The following RPAP2 variants were observed in gnomAD, a reference collection of about 807,000 sequenced individuals.
RPAP2 encodes putative RNA polymerase II subunit B1 CTD phosphatase RPAP2.
In RPAP2, 52 loss-of-function variants were observed where a neutral mutation model predicts 73.1. The ratio of observed to expected loss-of-function variants is 0.71; its 90% CI spans 0.57 to 0.90. RPAP2 has a LOEUF of 0.90. RPAP2 is among the 40% of genes least tolerant of loss of function. The pLI, the probability that RPAP2 is intolerant of heterozygous loss-of-function variation, is 0.00. For synonymous variants in RPAP2, 225 were observed against 242.1 expected (o/e 0.93, Z 0.65); for missense variants, 598 against 701.8 (o/e 0.85, Z 1.67).
intron 6 of RPAP2, among the ~76,000 whole-genome samples, chr1:92,311,781 C>G (rs565359646): frequency 4.6e-5 from 7 of 152,170 alleles, no homozygotes; most frequent in Non-Finnish European, 7.3e-5. Flanking sequence ...GTTATGTTTC[C>G]ACTATACTGT....
chr1:92,356,295 C>A (rs919228311), intron 11 of RPAP2, among the ~76,000 whole-genome samples: 11 of 151,780 alleles, frequency 7.2e-5, no homozygotes, highest in African/African-American at 2.7e-4. Context: ...ATATTTTATT[C>A]TGGGAATAAG....
Position 92,330,980 on chromosome 1 carries a change from AG to A in RPAP2, c.1456-2410del, listed in dbSNP as rs573777200. Among the ~76,000 whole-genome samples the A allele has an allele frequency of 5.5e-4, 83 of 152,286 alleles. 1 individual carries two copies. In the South Asian group the frequency reaches 0.017, roughly 30 times the overall value. On this transcript the variant is annotated intron_variant, in intron 8 of 12. Transcript: ENST00000610020. ...AGATGAGCATGCACATTAACATTTG[AG>A]AAGCACTGTTGGGGTGTGGTGGTTT...
At chr1:92,376,918 C>A (rs1655405325) in intron 11 of RPAP2, among the ~76,000 whole-genome samples, 1 of 152,026 alleles carries the variant, frequency 6.6e-6, no homozygotes, top group African/African-American at 2.4e-5. Flanking sequence ...CCTTTATTTC[C>A]TTGTCTGTTA....
At chr1:92,328,803 G>T (rs776114125) in intron 8 of RPAP2, among the ~76,000 whole-genome samples, 5 of 152,182 alleles carry the variant, frequency 3.3e-5, no homozygotes, top group African/African-American at 4.8e-5. Flanking sequence ...GGACTCAAGG[G>T]CTGCTGTTTA....
intron 9 of RPAP2, among the ~76,000 whole-genome samples, chr1:92,334,804 G>T (rs1653179071): frequency 6.6e-6 from 1 of 152,074 alleles, no homozygotes; most frequent in Admixed American, 6.6e-5. Context: ...GGCTAACACG[G>T]TGAAACCCCA....
At chr1:92,327,269 C>A (rs1017195169) in intron 8 of RPAP2, among the ~76,000 whole-genome samples, 8 of 152,104 alleles carry the variant, frequency 5.3e-5, no homozygotes, top group African/African-American at 1.9e-4. Context: ...TGAAGTCCCC[C>A]ACTATTATTG....
intron 3 of RPAP2, 41 bp downstream of exon 3, chr1:92,301,631 C>A: frequency 4.7e-6 from 4 of 856,354 alleles, no homozygotes; most frequent in Non-Finnish European, 3.6e-6. Context: ...TGTAGTATAA[C>A]ATCTTTAAAT....
intron 8 of RPAP2, among the ~76,000 whole-genome samples, chr1:92,332,524 G>A (rs1021698443): frequency 3.3e-5 from 5 of 151,952 alleles, no homozygotes; most frequent in Non-Finnish European, 7.4e-5. Context: ...AGAGATAACT[G>A]GAGACTCAGG....
intron 11 of RPAP2, among the ~76,000 whole-genome samples, chr1:92,351,324 AAAAAG>A (rs1421301167): frequency 1.3e-5 from 2 of 150,284 alleles, no homozygotes; most frequent in African/African-American, 2.5e-5. Flanking sequence ...AAAAAAAAAA[AAAAAG>A]AAAGGACCAT....
rs1367692690 is a variant in RPAP2, at chr1:92,402,044, G to A, written c.*15033G>A. On this transcript the variant is annotated 3_prime_UTR_variant, in exon 13 of 13. Coordinates refer to ENST00000610020, the MANE Select transcript of RPAP2 (RefSeq NM_024813.3). ...CAAAGTAATACTGGCCTAATAAAATGAGTTGGAATGTGTACTGCCCAATTC... is the reference window on the plus strand; with the variant it reads ...CAAAGTAATACTGGCCTAATAAAATAAGTTGGAATGTGTACTGCCCAATTC... 6.6e-6 allele frequency: 1 copy of A among 152,152 alleles called. No individual in the cohort carries two copies. The highest frequency in any genetic ancestry group is 2.4e-5 in the African/African-American group (1 of 41,430). The allele number at this position is 152,152 out of a possible 1,614,324, so 9.4% of individuals were successfully genotyped here. A position where few individuals can be genotyped will look rare whatever the true frequency, so the allele number is the denominator to read the frequency against.
intron 6 of RPAP2, among the ~76,000 whole-genome samples, chr1:92,310,993 G>A (rs1466991175): frequency 6.6e-6 from 1 of 152,134 alleles, no homozygotes; most frequent in Non-Finnish European, 1.5e-5. Flanking sequence ...TCTCATATAT[G>A]CATATAACTA....
chr1:92,370,518 A>G (rs1224032119), intron 11 of RPAP2, among the ~76,000 whole-genome samples: 1 of 152,194 alleles, frequency 6.6e-6, no homozygotes, highest in African/African-American at 2.4e-5. Flanking sequence ...TGCAAGAGAC[A>G]TTTAGATTAT....
chr1:92,322,410 G>A (rs564115060), intron 7 of RPAP2, among the ~76,000 whole-genome samples: 155 of 151,600 alleles, frequency 1.0e-3, no homozygotes, highest in Non-Finnish European at 4.1e-4. Flanking sequence ...TGGGCATGGT[G>A]GTGTGCACCT....
intron 11 of RPAP2, among the ~76,000 whole-genome samples, chr1:92,373,677 C>T (rs1469017666): frequency 7.0e-6 from 1 of 142,356 alleles, no homozygotes; most frequent in Non-Finnish European, 1.5e-5. Context: ...AGGCGGATCA[C>T]CTGAGGTCAG....
chr1:92,373,739 T>TAAAAAAAAA lies in RPAP2; in HGVS notation c.1689-6962_1689-6954dup, dbSNP rs59586077. On this transcript the variant is annotated intron_variant, in intron 11 of 12. Transcript: ENST00000610020. ...GGTGAAACCCCGTCTCTACTAAAAATAAAAAAAAAAAAAAAAAAAAAAAAA... is the reference window on the plus strand; with the variant it reads ...GGTGAAACCCCGTCTCTACTAAAAATAAAAAAAAAAAAAAAAAAAAAAAAAAAAAAAAAA... Among the ~76,000 whole-genome samples the TAAAAAAAAA allele has an allele frequency of 2.0e-4, 16 of 80,538 alleles. 1 individual carries two copies. Among genetic ancestry groups the TAAAAAAAAA allele is most frequent in the Middle Eastern group, 9.1e-3 (1 of 110 alleles). The allele number at this position is 80,538 out of a possible 152,430, so 52.8% of individuals were successfully genotyped here. A position where few individuals can be genotyped will look rare whatever the true frequency, so the allele number is the denominator to read the frequency against.
chr1:92,324,098 C>G lies in RPAP2; in HGVS notation c.1178C>G (p.Ser393Cys), dbSNP rs759653852. The change falls in exon 8 of 13, where the codon TCT becomes TGT. Residue 393 changes from serine to cysteine, a missense_variant. Transcript: ENST00000610020. ...LRFLYGQNYASVCLKPEASLV... is the reference protein window; with the variant it reads ...LRFLYGQNYACVCLKPEASLV... ...TTTTTGTATGGCCAGAATTATGCTTCTGTGTGTCTGAAACCCGAAGCCTCT... is the reference window on the plus strand; with the variant it reads ...TTTTTGTATGGCCAGAATTATGCTTGTGTGTGTCTGAAACCCGAAGCCTCT... 8 of 1,614,134 alleles carry G rather than the reference C, an allele frequency of 5.0e-6. No homozygotes were observed. Among genetic ancestry groups the G allele is most frequent in the East Asian group, 2.2e-5 (1 of 44,874 alleles).
intron 11 of RPAP2, among the ~76,000 whole-genome samples, chr1:92,371,620 G>T (rs748736602): frequency 1.3e-5 from 2 of 151,748 alleles, no homozygotes; most frequent in Non-Finnish European, 2.9e-5. Context: ...TAAAAAGAAG[G>T]AAATCCTGTT....
intron 11 of RPAP2, among the ~76,000 whole-genome samples, chr1:92,346,373 A>G (rs1369652594): frequency 1.3e-5 from 2 of 152,062 alleles, no homozygotes; most frequent in African/African-American, 4.8e-5. Context: ...TATATTGCCC[A>G]GGCTGGTCTT....
intron 10 of RPAP2, among the ~76,000 whole-genome samples, chr1:92,337,655 C>T (rs996026475): frequency 7.2e-5 from 11 of 152,054 alleles, no homozygotes; most frequent in Admixed American, 2.6e-4. Context: ...TGGGATATCT[C>T]AGTTTTCTCT....
Sources: allele counts gnomAD v4.1 joint callset (sites outside exome capture counted in the v4.1 genomes callset), GRCh38; gene constraint gnomAD v4.1.1; transcripts MANE v1.5; gene names NCBI Gene and HGNC (gene_info 2026-07-23, HGNC 2026-07-21).